ADGRD1: variants seen among roughly 807,000 people sequenced by gnomAD.
ADGRD1 encodes adhesion G protein-coupled receptor D1.
ADGRD1 carries 77 observed loss-of-function variants against 113.4 expected under a neutral mutation model. The ratio of observed to expected loss-of-function variants is 0.68; its 90% CI spans 0.57 to 0.82. The LOEUF is 0.82. ADGRD1 is among the 40% of genes least tolerant of loss of function. ADGRD1 has a pLI of 0.00. For synonymous variants in ADGRD1, 474 were observed against 475.0 expected (o/e 1.00, Z 0.03); for missense variants, 1,036 against 1,139.1 (o/e 0.91, Z 1.30).
intron 5 of ADGRD1, 79 bp downstream of exon 5, chr12:130,982,142 A>T: frequency 7.7e-7 from 1 of 1,296,310 alleles, no homozygotes. Context: ...GAGAAGCCCA[A>T]CGCAGCCCAA....
At chr12:131,134,148 G>A (rs7961352) in intron 21 of ADGRD1, among the ~76,000 whole-genome samples, 21 of 152,370 alleles carry the variant, frequency 1.4e-4, no homozygotes, top group African/African-American at 4.1e-4. Flanking sequence ...GGGCGGGGGC[G>A]TGAGGGTGAG....
In ADGRD1 at chr12:130,954,557, G is replaced by A; in HGVS notation, c.66+26G>A. 6.2e-7 allele frequency: 1 copy of A among 1,613,708 alleles called. No homozygotes were observed. Among genetic ancestry groups the A allele is most frequent in the Non-Finnish European group, 8.5e-7 (1 of 1,179,810 alleles). On this transcript the variant is annotated intron_variant, in intron 1 of 24. Transcript: ENST00000261654. This position sits in a 1 kb window ranked among gnomAD's most constrained non-coding sequence, Gnocchi z 4.7. Reference sequence around the variant, plus strand: ...GTAATGTCCCCAAGTGGCCAGGATGGCGACAGGCTTGGTTTCTCCGGAGGC... The same window carrying A: ...GTAATGTCCCCAAGTGGCCAGGATGACGACAGGCTTGGTTTCTCCGGAGGC...
At chr12:130,958,434 A>G (rs1303547588) in intron 2 of ADGRD1, among the ~76,000 whole-genome samples, 1 of 152,070 alleles carries the variant, frequency 6.6e-6, no homozygotes, top group Non-Finnish European at 1.5e-5. Flanking sequence ...TCCTGACCTC[A>G]GGTGATCCGC....
intron 9 of ADGRD1, chr12:131,002,461 A>G (rs941804856): frequency 1.1e-6 from 1 of 944,246 alleles, no homozygotes; most frequent in Non-Finnish European, 1.3e-6. Flanking sequence ...TGTTTGTGGG[A>G]GAATGCTGAG....
In ADGRD1 at chr12:130,996,388, G is replaced by A. The variant is rs547483392; in HGVS notation, c.967-3995G>A. 2.9e-4 allele frequency among the ~76,000 whole-genome samples: 34 copies of A among 117,064 alleles called. 1 individual carries two copies. The highest frequency in any genetic ancestry group is 9.6e-4 in the African/African-American group (30 of 31,092). The allele number at this position is 117,064 out of a possible 152,430, so 76.8% of individuals were successfully genotyped here. On this transcript the variant is annotated intron_variant, in intron 8 of 24. Transcript: ENST00000261654. ...GCGCCCCTCACCTCCTGGACGGGGC[G>A]GCTGGCCGGGCGGGGGGCTGACCCC... is the stretch of plus-strand genomic sequence containing the variant.
In ADGRD1 at chr12:131,050,383, G is replaced by A. The variant is rs545642816; in HGVS notation, c.1474-26418G>A. On this transcript the variant is annotated intron_variant, in intron 13 of 24. Transcript: ENST00000261654. This position sits in a 1 kb window ranked among gnomAD's most constrained non-coding sequence, Gnocchi z 4.8. ...AATTTCCCAAGATCACGAGCCACTC[G>A]TGTGTTGCCCTGTGTGTTAGTCTGT... Among the ~76,000 whole-genome samples the A allele has an allele frequency of 1.1e-3, 161 of 152,266 alleles. 2 individuals are homozygous for A. Among genetic ancestry groups the A allele is most frequent in the Non-Finnish European group, 1.1e-3 (78 of 68,018 alleles).
chr12:131,134,114 C>T (rs888401926), intron 21 of ADGRD1, among the ~76,000 whole-genome samples: 5 of 152,204 alleles, frequency 3.3e-5, no homozygotes, highest in Admixed American at 6.5e-5. Flanking sequence ...AGAGAATGGT[C>T]AGGTTTTACA....
chr12:130,957,395 TCACACA>T (rs1409080280), intron 2 of ADGRD1: 1 of 150,992 alleles, frequency 6.6e-6, no homozygotes, highest in Non-Finnish European at 1.5e-5. Context: ...ACACACATGC[TCACACA>T]CGTACACCCC....
At chr12:131,072,832 G>A (rs1885291460) in intron 13 of ADGRD1, among the ~76,000 whole-genome samples, 1 of 152,198 alleles carries the variant, frequency 6.6e-6, no homozygotes, top group African/African-American at 2.4e-5. Flanking sequence ...AAGCAGCCTG[G>A]GCTGAGTGGG....
intron 18 of ADGRD1, among the ~76,000 whole-genome samples, chr12:131,112,667 G>T (rs951314776): frequency 1.3e-5 from 2 of 152,178 alleles, no homozygotes; most frequent in Non-Finnish European, 2.9e-5. Context: ...TAACCTAATG[G>T]GTAGCTTCTT....
intron 15 of ADGRD1, among the ~76,000 whole-genome samples, chr12:131,093,947 C>CAGCACCCAGCCTCAGCACCCAGCCCTG (rs1473017399): frequency 1.8e-4 from 4 of 22,752 alleles, no homozygotes; most frequent in African/African-American, 4.3e-4. Context: ...CCAGCCTCAG[C>CAGCACCCAGCCTCAGCACCCAGCCCTG]AGCACCCAGC....
chr12:131,010,314 GCA>G (rs1877711642), intron 12 of ADGRD1, among the ~76,000 whole-genome samples: 1 of 152,230 alleles, frequency 6.6e-6, no homozygotes, highest in Non-Finnish European at 1.5e-5. Flanking sequence ...GATTCCTTGA[GCA>G]CACAGGCATG....
chr12:131,065,805 A>T (rs1347234776), intron 13 of ADGRD1, among the ~76,000 whole-genome samples: 1 of 152,168 alleles, frequency 6.6e-6, no homozygotes, highest in African/African-American at 2.4e-5. Flanking sequence ...CACATAAGGT[A>T]GGATAAAAGT....
rs1303866450 is a variant in ADGRD1 at position 131,004,282 on chromosome 12, C to A, written c.1241C>A (p.Ala414Asp). The A allele has an allele frequency of 1.2e-6, 2 of 1,611,878 alleles. No individual in the cohort carries two copies. Among genetic ancestry groups the A allele is most frequent in the Non-Finnish European group, 8.5e-7 (1 of 1,178,232 alleles). Reference sequence around the variant, plus strand: ...AGCTTCATCCAGATCCCCCACGAGGCCTTCCACAGGCACGGTGAGTGTGGC... The same window carrying A: ...AGCTTCATCCAGATCCCCCACGAGGACTTCCACAGGCACGGTGAGTGTGGC... ...GQSFIQIPHE[A>D]FHRHAWSTVV... Residue 414 changes from alanine (A) to aspartate (D), a missense_variant, in exon 11 of 25, where the codon GCC (alanine) becomes GAC (aspartate). Physicochemically the swap from Ala to Asp is moderately radical, Grantham distance 126. Coordinates refer to ENST00000261654, the MANE Select transcript of ADGRD1 (RefSeq NM_198827.5).
rs1319340085 is a variant in ADGRD1 at position 130,966,737 on chromosome 12, C to T, written c.187+191C>T. 13 of 581,378 alleles carry T rather than the reference C, an allele frequency of 2.2e-5. No individual in the cohort carries two copies. The highest frequency in any genetic ancestry group is 3.8e-5 in the African/African-American group (2 of 53,146). 36.0% of individuals were successfully genotyped at this position (581,378 alleles called of 1,614,324 possible). On this transcript the variant is annotated intron_variant, in intron 3 of 24. Coordinates refer to ENST00000261654, the MANE Select transcript of ADGRD1 (RefSeq NM_198827.5). This position sits in a 1 kb window ranked among gnomAD's most constrained non-coding sequence, Gnocchi z 4.6. ...GTGGACACAATCTGCTTTGAAGCCA[C>T]GGTGATAGAGATGAACAAATACTTG... is the stretch of plus-strand genomic sequence containing the variant.
In ADGRD1 at chr12:131,003,825, C is replaced by T. The variant is rs1409450925; in HGVS notation, c.1145-361C>T. On this transcript the variant is annotated intron_variant, in intron 10 of 24. Transcript: ENST00000261654. This position sits in a 1 kb window ranked among gnomAD's most constrained non-coding sequence, Gnocchi z 4.8. ...GTTAGTTTAGTCGCAGTTTGTTGGC[C>T]GTGTTGCCCTCGCCTGCTGCGCTTG... is the stretch of plus-strand genomic sequence containing the variant. Among the ~76,000 whole-genome samples the T allele has an allele frequency of 2.6e-5, 4 of 152,156 alleles. No individual in the cohort carries two copies. Among genetic ancestry groups the T allele is most frequent in the East Asian group, 1.9e-4 (1 of 5,172 alleles).
intron 20 of ADGRD1, among the ~76,000 whole-genome samples, chr12:131,128,439 A>C (rs112203208): frequency 6.6e-6 from 1 of 152,142 alleles, no homozygotes; most frequent in Non-Finnish European, 1.5e-5. Flanking sequence ...CTGAGTTTCT[A>C]TTCCACCTGA....
At position 130,971,553 on chromosome 12, in the gene ADGRD1, A is replaced by G; in HGVS notation, c.283A>G (p.Ser95Gly). 6.2e-7 allele frequency: 1 copy of G among 1,613,042 alleles called. No homozygotes were observed. The highest frequency in any genetic ancestry group is 8.5e-7 in the Non-Finnish European group (1 of 1,179,498). ...YYGRYNSSCI[S>G]KPEQCGPEGV... Reference sequence around the variant, plus strand: ...CGGCAGGTACAACAGCTCCTGCATCAGCAAGCCAGAGCAGTGTGGCCCTGA... The same window carrying G: ...CGGCAGGTACAACAGCTCCTGCATCGGCAAGCCAGAGCAGTGTGGCCCTGA... Residue 95 changes from serine to glycine, a missense_variant, in exon 4 of 25, where the codon AGC becomes GGC. Coordinates refer to ENST00000261654, the MANE Select transcript of ADGRD1 (RefSeq NM_198827.5). This position sits in a 1 kb window ranked among gnomAD's most constrained non-coding sequence, Gnocchi z 4.2.
At chr12:131,055,469 C>T (rs1883781976) in intron 13 of ADGRD1, among the ~76,000 whole-genome samples, 1 of 152,172 alleles carries the variant, frequency 6.6e-6, no homozygotes, top group South Asian at 2.1e-4. Flanking sequence ...TCACAGGTTC[C>T]CTTGCCCATT....
Sources: allele counts gnomAD v4.1 joint callset (sites outside exome capture counted in the v4.1 genomes callset), GRCh38; gene constraint gnomAD v4.1.1; non-coding constraint Gnocchi (gnomAD v3.1); transcripts MANE v1.5; gene names NCBI Gene and HGNC (gene_info 2026-07-23, HGNC 2026-07-21).